Variants in BBOF1 observed in about 807,000 individuals in gnomAD.
BBOF1 encodes basal body-orientation factor 1.
Under a neutral mutation model 68.0 loss-of-function variants are expected in BBOF1, and 62 were observed. That is an observed-to-expected ratio of 0.91 (90% CI 0.74 to 1.13). The LOEUF is 1.13. Ranked by LOEUF, BBOF1 falls within the 50% of genes most tolerant of loss-of-function variation. The probability of loss-of-function intolerance (pLI) is 0.00; values close to 1 mark genes in which losing one functional copy is unlikely to be tolerated. For missense variants in BBOF1, 534 were observed against 600.1 expected, an observed-to-expected ratio of 0.89 and a Z score of 1.15; for synonymous variants, 208 against 198.8, an observed-to-expected ratio of 1.05 and a Z score of -0.39.
intron 9 of BBOF1, among the ~76,000 whole-genome samples, chr14:74,074,288 A>ATT (rs35478388): frequency 2.0e-4 from 26 of 130,192 alleles, no homozygotes; most frequent in Admixed American, 7.0e-4. Context: ...CTTTCACTAA[A>ATT]TTTTTTTTTT....
Position 74,050,140 on chromosome 14 carries a change from G to T in BBOF1, c.1231G>T (p.Gly411Cys). 1 of 1,603,504 alleles carries T rather than the reference G, an allele frequency of 6.2e-7. No homozygotes were observed. Among genetic ancestry groups the T allele is most frequent in the East Asian group, 2.2e-5 (1 of 44,796 alleles). The change falls in exon 8 of 12, where the codon GGC (glycine) becomes TGC (cysteine). Residue 411 changes from glycine (G) to cysteine (C), a missense_variant. Transcript: ENST00000394009. ...TEYPKIRTFDGREHSTNSVNQ... is the reference protein window; with the variant it reads ...TEYPKIRTFDCREHSTNSVNQ... Reference sequence around the variant, plus strand: ...ATATCCCAAAATCAGAACATTTGATGGCAGAGAGCACAGCACCAATAGTGT... The same window carrying T: ...ATATCCCAAAATCAGAACATTTGATTGCAGAGAGCACAGCACCAATAGTGT...
At chr14:74,073,727 G>A (rs985375617) in intron 9 of BBOF1, among the ~76,000 whole-genome samples, 6 of 151,780 alleles carry the variant, frequency 4.0e-5, no homozygotes, top group Non-Finnish European at 7.4e-5. Flanking sequence ...GACCAACCAT[G>A]GACAACATGG....
intron 8 of BBOF1, among the ~76,000 whole-genome samples, chr14:74,052,322 C>G (rs184249437): frequency 1.3e-4 from 20 of 151,862 alleles, no homozygotes; most frequent in Admixed American, 1.3e-3. Context: ...CCTATTGCCT[C>G]TATCAGCAGG....
At chr14:74,074,343 A>G (rs1301989379) in intron 9 of BBOF1, among the ~76,000 whole-genome samples, 4 of 147,294 alleles carry the variant, frequency 2.7e-5, no homozygotes, top group Non-Finnish European at 1.5e-5. Flanking sequence ...CTGGAGTGCA[A>G]TGGTGCGATC....
chr14:74,033,196 T>C (rs2059615829), intron 3 of BBOF1, among the ~76,000 whole-genome samples: 1 of 150,680 alleles, frequency 6.6e-6, no homozygotes, highest in African/African-American at 2.4e-5. Flanking sequence ...TTTTCCTTTC[T>C]ATATAGAAAC....
At chr14:74,027,082 CTTTT>C (rs1189972161) in intron 2 of BBOF1, among the ~76,000 whole-genome samples, 1 of 88,194 alleles carries the variant, frequency 1.1e-5, no homozygotes, top group East Asian at 3.9e-4. Flanking sequence ...GAAAGGAAGC[CTTTT>C]TTTTTTTTTT....
chr14:74,055,706 T>C, intron 9 of BBOF1, 21 bp downstream of exon 9: 5 of 1,530,346 alleles, frequency 3.3e-6, no homozygotes, highest in Non-Finnish European at 4.5e-6. Context: ...ATTTCTGCAG[T>C]GAAATACCAA....
intron 4 of BBOF1, among the ~76,000 whole-genome samples, chr14:74,039,027 C>A (rs531592275): frequency 6.6e-5 from 10 of 152,126 alleles, no homozygotes; most frequent in Non-Finnish European, 1.3e-4. Flanking sequence ...CTTCTTTTGA[C>A]AAAATGATAA....
In BBOF1 at chr14:74,064,995, A is replaced by T; in HGVS notation, c.*296A>T. 1 of 1,455,032 alleles carries T rather than the reference A, an allele frequency of 6.9e-7. No individual in the cohort carries two copies. The highest frequency in any genetic ancestry group is 2.4e-5 in the East Asian group (1 of 41,996). 90.1% of individuals were successfully genotyped at this position (1,455,032 alleles called of 1,614,324 possible). On this transcript the variant is annotated 3_prime_UTR_variant, in exon 12 of 12. Coordinates refer to ENST00000394009, the MANE Select transcript of BBOF1 (RefSeq NM_025057.3). ...ATTTAGAAACACAAAGGCATCAGAG[A>T]CCAGTTTTAAATACCCACCTTCTAC...
intron 11 of BBOF1, chr14:74,057,552 A>G: frequency 7.5e-7 from 1 of 1,336,648 alleles, no homozygotes; most frequent in East Asian, 3.7e-5. Flanking sequence ...AAGAGTAAAC[A>G]TAGTGACCTT....
intron 4 of BBOF1, among the ~76,000 whole-genome samples, chr14:74,038,668 T>G (rs1179498784): frequency 7.2e-5 from 11 of 152,114 alleles, no homozygotes; most frequent in Non-Finnish European, 2.9e-5. Context: ...AAAACTAAAT[T>G]GAGATTCTCA....
intron 2 of BBOF1, among the ~76,000 whole-genome samples, chr14:74,027,321 A>G (rs2059454214): frequency 1.4e-5 from 2 of 147,818 alleles, no homozygotes; most frequent in South Asian, 4.3e-4. Context: ...TCCTGACCTC[A>G]GGTGATCTAC....
chr14:74,023,895 G>A (rs1235069345), intron 2 of BBOF1, among the ~76,000 whole-genome samples: 1 of 145,910 alleles, frequency 6.9e-6, no homozygotes, highest in African/African-American at 2.6e-5. Context: ...CAGCCTGGCA[G>A]CCTGGGCGAC....
chr14:74,053,844 T>C (rs1317858465), intron 8 of BBOF1, among the ~76,000 whole-genome samples: 1 of 151,986 alleles, frequency 6.6e-6, no homozygotes, highest in East Asian at 1.9e-4. Context: ...CCCGAGGAGC[T>C]GGGACTACAG....
chr14:74,049,047 AT>A, intron 7 of BBOF1, among the ~76,000 whole-genome samples: 1 of 151,818 alleles, frequency 6.6e-6, no homozygotes, highest in East Asian at 1.9e-4. Flanking sequence ...TAATTTTTGC[AT>A]TTTTTAGTAG....
At chr14:74,079,264 T>A (rs2060645879) in intron 10 of BBOF1, among the ~76,000 whole-genome samples, 1 of 151,474 alleles carries the variant, frequency 6.6e-6, no homozygotes, top group Admixed American at 6.6e-5. Context: ...ATCACTTGCG[T>A]TCAGGAATTT....
intron 5 of BBOF1, chr14:74,040,922 A>G (rs1471483705): frequency 1.4e-5 from 6 of 420,248 alleles, no homozygotes; most frequent in African/African-American, 8.2e-5. Flanking sequence ...GACTAAAGCT[A>G]TGTGTACTCC....
intron 8 of BBOF1, 137 bp downstream of exon 8, chr14:74,050,332 T>G (rs1371905293): frequency 1.0e-6 from 1 of 965,268 alleles, no homozygotes; most frequent in South Asian, 2.1e-5. Context: ...GGACAGGAAC[T>G]GACTTATTCA....
At chr14:74,043,471 A>G (rs887062716) in intron 5 of BBOF1, among the ~76,000 whole-genome samples, 26 of 140,858 alleles carry the variant, frequency 1.8e-4, no homozygotes, top group African/African-American at 6.9e-4. Context: ...AATGGCGTGA[A>G]CCCGGGAAGC....
Sources: allele counts gnomAD v4.1 joint callset (sites outside exome capture counted in the v4.1 genomes callset), GRCh38; gene constraint gnomAD v4.1.1; transcripts MANE v1.5; gene names NCBI Gene and HGNC (gene_info 2026-07-23, HGNC 2026-07-21).